The following REEP3 variants were observed in gnomAD, a reference collection of about 807,000 sequenced individuals.
The protein encoded by REEP3 is receptor expression-enhancing protein 3.
In REEP3, 20 loss-of-function variants were observed where a neutral mutation model predicts 41.3. The ratio of observed to expected loss-of-function variants is 0.48; its 90% CI spans 0.34 to 0.70. The LOEUF (loss-of-function observed/expected upper bound fraction) is 0.70, where lower values mean the gene tolerates loss of function less well. REEP3 is among the 30% of genes least tolerant of loss of function. The pLI, the probability that REEP3 is intolerant of heterozygous loss-of-function variation, is 0.01. For missense variants in REEP3, 271 were observed against 308.8 expected (o/e 0.88, Z 0.92); for synonymous variants, 104 against 101.8 (o/e 1.02, Z -0.13).
chr10:63,549,246 A>C (rs1246824014), intron 1 of REEP3, among the ~76,000 whole-genome samples: 1 of 152,224 alleles, frequency 6.6e-6, no homozygotes, highest in Non-Finnish European at 1.5e-5. Flanking sequence ...ATTCCATAGA[A>C]GGCAGAGGTG....
intron 2 of REEP3, among the ~76,000 whole-genome samples, chr10:63,576,669 G>A (rs534306107): frequency 6.6e-6 from 1 of 152,340 alleles, no homozygotes; most frequent in Admixed American, 6.5e-5. Flanking sequence ...ACCATGGACT[G>A]ATTGACTTGA....
At chr10:63,604,469 T>C (rs992261610) in intron 5 of REEP3, among the ~76,000 whole-genome samples, 16 of 152,196 alleles carry the variant, frequency 1.1e-4, no homozygotes, top group South Asian at 4.1e-4. Context: ...CTTTTTTTGG[T>C]GAATTTCTTT....
chr10:63,567,354 T>C (rs1316912008), intron 2 of REEP3, among the ~76,000 whole-genome samples: 1 of 152,202 alleles, frequency 6.6e-6, no homozygotes, highest in Non-Finnish European at 1.5e-5. Flanking sequence ...TGTGCCCAAG[T>C]TGCTGACAAC....
At chr10:63,524,297 G>A (rs551862538) in intron 1 of REEP3, among the ~76,000 whole-genome samples, 1 of 152,204 alleles carries the variant, frequency 6.6e-6, no homozygotes, top group East Asian at 1.9e-4. Flanking sequence ...CTCCTCCTGA[G>A]CAAGATCAGA....
intron 2 of REEP3, among the ~76,000 whole-genome samples, chr10:63,580,532 A>G (rs1955943053): frequency 6.6e-6 from 1 of 152,242 alleles, no homozygotes; most frequent in South Asian, 2.1e-4. Flanking sequence ...AAGAGCAAAA[A>G]ATAAAAACAA....
At chr10:63,600,831 G>A (rs1471177130) in intron 5 of REEP3, among the ~76,000 whole-genome samples, 1 of 152,176 alleles carries the variant, frequency 6.6e-6, no homozygotes, top group Non-Finnish European at 1.5e-5. Flanking sequence ...GATAAGGAAA[G>A]AATTCATAAA....
At chr10:63,585,629 A>G (rs1036801373) in intron 2 of REEP3, among the ~76,000 whole-genome samples, 7 of 152,178 alleles carry the variant, frequency 4.6e-5, no homozygotes, top group African/African-American at 1.7e-4. Flanking sequence ...ATGTTTATCA[A>G]ATTAATATAT....
At position 63,529,762 on chromosome 10, in the gene REEP3, C is replaced by T. The variant is rs1486765565; in HGVS notation, c.32+8185C>T. Reference sequence around the variant, plus strand: ...GGATTACAGCTGTGAGCCACTGCCCCGGCCATGAATGTGATTCTTTTTTTT... The same window carrying T: ...GGATTACAGCTGTGAGCCACTGCCCTGGCCATGAATGTGATTCTTTTTTTT... On this transcript the variant is annotated intron_variant, in intron 1 of 7. Transcript: ENST00000373758. 4.7e-5 allele frequency among the ~76,000 whole-genome samples: 7 copies of T among 150,452 alleles called. No homozygotes were observed. In the East Asian group the frequency reaches 9.6e-4, roughly 21 times the overall value.
intron 1 of REEP3, among the ~76,000 whole-genome samples, chr10:63,538,108 G>C (rs1231313552): frequency 6.6e-6 from 1 of 152,068 alleles, no homozygotes; most frequent in Non-Finnish European, 1.5e-5. Context: ...TTTAAGACAG[G>C]CCTAAGAGAT....
At position 63,619,683 on chromosome 10, in the gene REEP3, T is replaced by A; in HGVS notation, c.594T>A (p.Asp198Glu). ...AGYGIPLKDG[D>E]EKTDEEAEGP... is the part of the protein sequence containing the mutation. ...ATGGAATTCCACTGAAAGACGGAGA[T>A]GAGAAAACAGATGAAGAAGCAGAGG... The change falls in exon 7 of 8, where the codon GAT (aspartate) becomes GAA (glutamate). Residue 198 changes from aspartate to glutamate, a missense_variant. Physicochemically the swap from Asp to Glu is conservative, Grantham distance 45. Transcript: ENST00000373758. 6.2e-7 allele frequency: 1 copy of A among 1,604,280 alleles called. No homozygotes were observed. Among genetic ancestry groups the A allele is most frequent in the South Asian group, 1.1e-5 (1 of 89,046 alleles).
Position 63,621,989 on chromosome 10 carries a change from T to A in REEP3, c.*1120T>A, listed in dbSNP as rs955906812. The A allele has an allele frequency of 6.6e-6, 1 of 152,240 alleles. No homozygotes were observed. Among genetic ancestry groups the A allele is most frequent in the African/African-American group, 2.4e-5 (1 of 41,462 alleles). The allele number at this position is 152,240 out of a possible 1,614,324, so 9.4% of individuals were successfully genotyped here. The stretch of plus-strand genomic sequence containing the variant: ...ATTAATCCTGCACATTAGAAATTAT[T>A]AGAAACATATTACTTTTTAACTTTA... On this transcript the variant is annotated 3_prime_UTR_variant, in exon 8 of 8. Coordinates refer to ENST00000373758, the MANE Select transcript of REEP3 (RefSeq NM_001001330.3).
chr10:63,598,480 TCTC>T (rs1956138603), intron 4 of REEP3, among the ~76,000 whole-genome samples: 3 of 68,680 alleles, frequency 4.4e-5, no homozygotes, highest in Non-Finnish European at 7.8e-5. Context: ...TGAGACTCCA[TCTC>T]AAAAAAAAAA....
chr10:63,618,237 C>CTT (rs60115766), intron 6 of REEP3, among the ~76,000 whole-genome samples: 901 of 66,600 alleles, frequency 0.014, 192 homozygotes, highest in African/African-American at 0.044. Flanking sequence ...TTTCCTTCTT[C>CTT]TTTTTTTTTT....
chr10:63,565,716 A>C (rs1955791784), intron 1 of REEP3, among the ~76,000 whole-genome samples: 1 of 152,154 alleles, frequency 6.6e-6, no homozygotes, highest in Admixed American at 6.5e-5. Flanking sequence ...TCTGACTGGC[A>C]GGGTTGGAGC....
At chr10:63,553,551 A>T (rs950015795) in intron 1 of REEP3, among the ~76,000 whole-genome samples, 15 of 152,174 alleles carry the variant, frequency 9.9e-5, no homozygotes, top group African/African-American at 2.9e-4. Flanking sequence ...ACTGTAGCTT[A>T]GACTGTACAT....
chr10:63,612,719 A>G (rs1214899165), intron 6 of REEP3, among the ~76,000 whole-genome samples: 1 of 151,704 alleles, frequency 6.6e-6, no homozygotes, highest in African/African-American at 2.4e-5. Context: ...TGAACCCAGG[A>G]GGCAAAGGCT....
intron 1 of REEP3, among the ~76,000 whole-genome samples, chr10:63,565,350 G>T (rs1421478633): frequency 1.3e-5 from 2 of 152,180 alleles, no homozygotes; most frequent in African/African-American, 2.4e-5. Flanking sequence ...AATATCCATT[G>T]TAAACTGTGT....
intron 2 of REEP3, among the ~76,000 whole-genome samples, chr10:63,577,243 C>G (rs1446347454): frequency 6.6e-6 from 1 of 152,168 alleles, no homozygotes; most frequent in East Asian, 1.9e-4. Flanking sequence ...TAGCCCCACT[C>G]TCAGTTGTGC....
At chr10:63,527,334 A>T (rs1234015629) in intron 1 of REEP3, among the ~76,000 whole-genome samples, 2 of 151,778 alleles carry the variant, frequency 1.3e-5, no homozygotes, top group Admixed American at 1.3e-4. Flanking sequence ...TTTTCATCTT[A>T]TCACCCCATT....
Sources: gnomAD v4.1 joint callset for allele counts (sites outside exome capture counted in the v4.1 genomes callset) on GRCh38, gnomAD v4.1.1 for gene constraint, MANE v1.5 for transcripts, NCBI Gene and HGNC (gene_info 2026-07-23, HGNC 2026-07-21) for gene names.